Variants in AGBL4 observed in about 807,000 individuals in gnomAD.
AGBL4 encodes AGBL carboxypeptidase 4, also known as cytosolic carboxypeptidase 6.
A neutral mutation model predicts 66.4 loss-of-function variants in AGBL4; 58 were observed. The ratio of observed to expected loss-of-function variants is 0.87; its 90% CI spans 0.71 to 1.09. AGBL4 has a LOEUF of 1.09. Ranked by LOEUF, AGBL4 falls within the 50% of genes least tolerant of loss-of-function variation. The pLI is 0.00. For missense variants in AGBL4, 579 were observed against 631.0 expected (o/e 0.92, Z 0.88); for synonymous variants, 234 against 222.9 (o/e 1.05, Z -0.44).
intron 5 of AGBL4, among the ~76,000 whole-genome samples, chr1:48,961,369 A>G (rs996719529): frequency 6.6e-6 from 1 of 152,220 alleles, no homozygotes; most frequent in African/African-American, 2.4e-5. Flanking sequence ...CAGCACTGTT[A>G]GCTGAATCAA....
chr1:49,933,706 TA>T (rs1382590610), intron 1 of AGBL4, among the ~76,000 whole-genome samples: 4 of 152,014 alleles, frequency 2.6e-5, no homozygotes, highest in East Asian at 1.9e-4. Context: ...TGTTATCAGC[TA>T]AAAACAAACT....
At chr1:49,277,073 T>G (rs57085584) in intron 3 of AGBL4, among the ~76,000 whole-genome samples, 1 of 151,630 alleles carries the variant, frequency 6.6e-6, no homozygotes, top group African/African-American at 2.4e-5. Context: ...GGAAAGAAAA[T>G]AAGAGAATAA....
intron 3 of AGBL4, among the ~76,000 whole-genome samples, chr1:49,442,754 TC>T (rs1235818324): frequency 6.6e-6 from 1 of 152,162 alleles, no homozygotes; most frequent in Non-Finnish European, 1.5e-5. Context: ...TTATTTCTTT[TC>T]TTTTGGGTAG....
At chr1:49,595,975 C>T (rs187973941) in intron 3 of AGBL4, among the ~76,000 whole-genome samples, 56 of 152,234 alleles carry the variant, frequency 3.7e-4, no homozygotes, top group African/African-American at 1.3e-3. Flanking sequence ...TCTCTCACCT[C>T]TTCTCTACTC....
At chr1:49,868,951 A>C (rs1383742826) in intron 1 of AGBL4, among the ~76,000 whole-genome samples, 1 of 152,198 alleles carries the variant, frequency 6.6e-6, no homozygotes, top group Non-Finnish European at 1.5e-5. Context: ...AAAGGGCATG[A>C]CAGACACTTC....
At chr1:48,712,547 C>A (rs1646984876) in intron 6 of AGBL4, among the ~76,000 whole-genome samples, 1 of 152,136 alleles carries the variant, frequency 6.6e-6, no homozygotes, top group African/African-American at 2.4e-5. Flanking sequence ...GGATGCTGTT[C>A]TGTGTGCTTT....
At chr1:49,279,575 T>A (rs898068056) in intron 3 of AGBL4, among the ~76,000 whole-genome samples, 11 of 152,132 alleles carry the variant, frequency 7.2e-5, no homozygotes, top group Admixed American at 2.6e-4. Context: ...TCTTTTTTTT[T>A]TTCAGCTATG....
chr1:49,115,331 C>T (rs960388137), intron 4 of AGBL4, among the ~76,000 whole-genome samples: 1 of 152,040 alleles, frequency 6.6e-6, no homozygotes, highest in Non-Finnish European at 1.5e-5. Context: ...TATTTTTCTT[C>T]TACTGAAAAG....
intron 5 of AGBL4, among the ~76,000 whole-genome samples, chr1:48,924,761 C>T (rs182056011): frequency 6.6e-6 from 1 of 152,180 alleles, no homozygotes; most frequent in East Asian, 1.9e-4. Flanking sequence ...TCATGTGTCT[C>T]ATCTCTGACT....
At chr1:49,149,189 T>C (rs1646278374) in intron 4 of AGBL4, among the ~76,000 whole-genome samples, 1 of 152,196 alleles carries the variant, frequency 6.6e-6, no homozygotes, top group Admixed American at 6.5e-5. Flanking sequence ...GTTACCAGTC[T>C]CTTTACAGTG....
At chr1:48,749,412 A>C (rs1430145069) in intron 6 of AGBL4, among the ~76,000 whole-genome samples, 2 of 152,168 alleles carry the variant, frequency 1.3e-5, no homozygotes, top group African/African-American at 4.8e-5. Context: ...GTTAATCCTT[A>C]TGGTGGTCCT....
At chr1:49,218,025 A>G (rs924602408) in intron 4 of AGBL4, among the ~76,000 whole-genome samples, 1 of 152,118 alleles carries the variant, frequency 6.6e-6, no homozygotes, top group African/African-American at 2.4e-5. Flanking sequence ...AGGAATGTCA[A>G]ACTGTATCTA....
In AGBL4 at chr1:50,023,774, G is replaced by T. The variant is rs766883408; in HGVS notation, c.23C>A (p.Ala8Glu). Residue 8 changes from alanine (A) to glutamate (E), a missense_variant, in exon 1 of 14, where the codon GCG (alanine) becomes GAG (glutamate). Ala to Glu is a moderately radical substitution (Grantham distance 107, BLOSUM62 -1). Coordinates refer to ENST00000371839, the MANE Select transcript of AGBL4 (RefSeq NM_032785.4). MAEGSQS[A>E]PEAGNDMGND... ...CCGCCCCCACAGACCTGCCTCAGGC[G>T]CCGACTGGCTCCCCTCCGCCATTTT... The T allele has an allele frequency of 1.9e-6, 3 of 1,549,230 alleles. No homozygotes were observed. The highest frequency in any genetic ancestry group is 1.2e-5 in the South Asian group (1 of 83,818).
chr1:48,902,835 T>G (rs3121533), intron 5 of AGBL4, among the ~76,000 whole-genome samples: 128,577 of 152,038 alleles, frequency 0.85, 56,068 homozygotes, highest in Non-Finnish European at 0.96. Flanking sequence ...TCACTCTCAT[T>G]CTAAATTCCT....
At chr1:49,846,524 T>C (rs918099939) in intron 2 of AGBL4, 3 of 678,042 alleles carry the variant, frequency 4.4e-6, no homozygotes, top group Non-Finnish European at 7.0e-6. Flanking sequence ...AACAGACTAA[T>C]ACAAAAGTGA....
intron 8 of AGBL4, among the ~76,000 whole-genome samples, chr1:48,636,685 T>C (rs1645673080): frequency 6.6e-6 from 1 of 152,216 alleles, no homozygotes; most frequent in South Asian, 2.1e-4. Context: ...TTATCTGACG[T>C]ATTGCTACTC....
At chr1:49,377,598 C>T (rs1431700926) in intron 3 of AGBL4, among the ~76,000 whole-genome samples, 2 of 152,032 alleles carry the variant, frequency 1.3e-5, no homozygotes, top group African/African-American at 4.8e-5. Context: ...GCAAAATAAC[C>T]TCCTATAGTT....
At chr1:48,788,917 GGAGT>G (rs1645472767) in intron 6 of AGBL4, among the ~76,000 whole-genome samples, 1 of 152,098 alleles carries the variant, frequency 6.6e-6, no homozygotes, top group Non-Finnish European at 1.5e-5. Context: ...ATTTTCAAAT[GGAGT>G]AAGTGAAATT....
At chr1:49,712,025 TGTGA>T (rs1441182049) in intron 2 of AGBL4, among the ~76,000 whole-genome samples, 1 of 151,974 alleles carries the variant, frequency 6.6e-6, no homozygotes, top group Non-Finnish European at 1.5e-5. Flanking sequence ...ACAGGGTTAT[TGTGA>T]GTATTAAGTG....
Sources: gnomAD v4.1 joint callset for allele counts (sites outside exome capture counted in the v4.1 genomes callset) on GRCh38, gnomAD v4.1.1 for gene constraint, MANE v1.5 for transcripts, NCBI Gene and HGNC (gene_info 2026-07-23, HGNC 2026-07-21) for gene names.